Variants in CTBP2 observed in about 807,000 individuals in gnomAD.
CTBP2 encodes C-terminal binding protein 2.
Under a neutral mutation model 80.3 loss-of-function variants are expected in CTBP2, and 30 were observed. The ratio of observed to expected loss-of-function variants is 0.37; its 90% CI spans 0.28 to 0.51. The LOEUF (loss-of-function observed/expected upper bound fraction) is 0.51, where lower values mean the gene tolerates loss of function less well. CTBP2 is among the 20% of genes least tolerant of loss of function. CTBP2 has a pLI of 0.93. For synonymous variants in CTBP2, 594 were observed against 587.4 expected (o/e 1.01, Z -0.16); for missense variants, 1,212 against 1,375.3 (o/e 0.88, Z 1.88).
chr10:125,109,429 GTC>G (rs1164276753), intron 2 of CTBP2, among the ~76,000 whole-genome samples: 5 of 152,194 alleles, frequency 3.3e-5, no homozygotes, highest in African/African-American at 1.2e-4. Flanking sequence ...AGGTGACTTT[GTC>G]TCTGCCTGAG....
chr10:125,049,045 AG>A (rs1962003183), intron 2 of CTBP2, among the ~76,000 whole-genome samples: 2 of 68,870 alleles, frequency 2.9e-5, no homozygotes, highest in South Asian at 6.0e-4. Flanking sequence ...GCCTGACCAC[AG>A]ACACACACAC....
chr10:125,127,743 C>A (rs959280579), intron 1 of CTBP2, among the ~76,000 whole-genome samples: 2 of 152,192 alleles, frequency 1.3e-5, no homozygotes, highest in Admixed American at 6.5e-5. Flanking sequence ...ATACGCACCT[C>A]CCTGTGGCAA....
rs1246614734 is a variant in CTBP2, at chr10:124,986,287, G to GCACACACACACA, written c.*3230_*3231insTGTGTGTGTGTG. ...GGAAAGACGACACACGCACGCGCGC[G>GCACACACACACA]CGCGCACACACACACACACACACAC... is the stretch of plus-strand genomic sequence containing the variant. On this transcript the variant is annotated 3_prime_UTR_variant, in exon 9 of 9. Coordinates refer to ENST00000309035, the MANE Select transcript of CTBP2 (RefSeq NM_022802.3). 9 of 73,094 alleles carry GCACACACACACA rather than the reference G, an allele frequency of 1.2e-4. No individual in the cohort carries two copies. The highest frequency in any genetic ancestry group is 3.8e-4 in the African/African-American group (9 of 23,764). The allele number at this position is 73,094 out of a possible 1,614,324, so 4.5% of individuals were successfully genotyped here. A position where few individuals can be genotyped will look rare whatever the true frequency, so the allele number is the denominator to read the frequency against.
intron 2 of CTBP2, among the ~76,000 whole-genome samples, chr10:125,056,211 A>G (rs1021818735): frequency 2.0e-5 from 3 of 151,092 alleles, no homozygotes; most frequent in East Asian, 1.9e-4. Flanking sequence ...AATAATAATA[A>G]TAACTAATAA....
chr10:125,070,955 T>C (rs1845388964), intron 2 of CTBP2, among the ~76,000 whole-genome samples: 1 of 152,218 alleles, frequency 6.6e-6, no homozygotes, highest in African/African-American at 2.4e-5. Context: ...ATAAAAACTT[T>C]TTAACCAAAG....
At chr10:125,003,996 G>A (rs1341016289) in intron 1 of CTBP2, among the ~76,000 whole-genome samples, 1 of 152,204 alleles carries the variant, frequency 6.6e-6, no homozygotes, top group East Asian at 1.9e-4. Context: ...GGGAAGGTAT[G>A]CCTGAGGGCA....
At chr10:125,151,744 T>C (rs147580709) in intron 1 of CTBP2, among the ~76,000 whole-genome samples, 1 of 152,054 alleles carries the variant, frequency 6.6e-6, no homozygotes, top group African/African-American at 2.4e-5. Context: ...GGGGCCAACC[T>C]GGTGTCCCGC....
chr10:125,126,839 C>T (rs1461069644), intron 1 of CTBP2, among the ~76,000 whole-genome samples: 2 of 152,180 alleles, frequency 1.3e-5, no homozygotes, highest in Non-Finnish European at 2.9e-5. Flanking sequence ...GAGCTGCGTG[C>T]ACTTCTGATG....
chr10:125,043,500 A>T (rs1960420068), intron 2 of CTBP2, among the ~76,000 whole-genome samples: 1 of 151,970 alleles, frequency 6.6e-6, no homozygotes, highest in South Asian at 2.1e-4. Context: ...GCAGGGGCGC[A>T]ATCTGGGCTC....
chr10:125,102,743 C>T (rs1850830053), intron 2 of CTBP2, among the ~76,000 whole-genome samples: 1 of 152,238 alleles, frequency 6.6e-6, no homozygotes. Flanking sequence ...GAAACACCAG[C>T]TTCCAGGCCT....
intron 4 of CTBP2, chr10:124,997,697 C>T: frequency 1.9e-6 from 1 of 534,766 alleles, no homozygotes; most frequent in Non-Finnish European, 3.3e-6. Flanking sequence ...TTGCCCGCTG[C>T]CCCACAGCAA....
intron 2 of CTBP2, among the ~76,000 whole-genome samples, chr10:125,055,933 G>A (rs1406898749): frequency 1.3e-5 from 2 of 152,122 alleles, no homozygotes; most frequent in Admixed American, 6.5e-5. Flanking sequence ...TTGGGAGGCC[G>A]AGGTGGGCAG....
At chr10:125,076,702 G>C (rs893761118) in intron 2 of CTBP2, among the ~76,000 whole-genome samples, 1 of 152,300 alleles carries the variant, frequency 6.6e-6, no homozygotes, top group African/African-American at 2.4e-5. Flanking sequence ...CAGTCAGGTC[G>C]GCGTTGTTCT....
At chr10:125,072,407 G>C (rs946786930) in intron 2 of CTBP2, among the ~76,000 whole-genome samples, 2 of 152,164 alleles carry the variant, frequency 1.3e-5, no homozygotes, top group Non-Finnish European at 2.9e-5. Context: ...CTGAGGTCAG[G>C]AGTTTGACAC....
At chr10:125,152,030 TCAGATACCGCGG>T (rs1467148757) in intron 1 of CTBP2, among the ~76,000 whole-genome samples, 1 of 151,544 alleles carries the variant, frequency 6.6e-6, no homozygotes, top group Admixed American at 6.6e-5. Context: ...CCCGGGGGTG[TCAGATACCGCGG>T]CCCGCGGAGG....
Position 124,989,399 on chromosome 10 carries a change from G to A in CTBP2, c.*119C>T. On this transcript the variant is annotated 3_prime_UTR_variant, in exon 9 of 9. Coordinates refer to ENST00000309035, the MANE Select transcript of CTBP2 (RefSeq NM_022802.3). ...GTAGTTTCAACACTGCAACATCAAT[G>A]ATGCATATGTCCAGAATCAGTTACA... 1 of 1,094,004 alleles carries A rather than the reference G, an allele frequency of 9.1e-7. No individual in the cohort carries two copies. The highest frequency in any genetic ancestry group is 1.4e-6 in the Non-Finnish European group (1 of 713,262). 67.8% of individuals were successfully genotyped at this position (1,094,004 alleles called of 1,614,324 possible).
chr10:124,992,860 G>C (rs374316412), intron 7 of CTBP2, 48 bp from the exon 10 acceptor site: 1 of 1,442,818 alleles, frequency 6.9e-7, no homozygotes, highest in Non-Finnish European at 9.6e-7. Context: ...ACAAATCACA[G>C]TAAGTTCAAC....
chr10:125,119,656 T>C (rs764285675), intron 1 of CTBP2, among the ~76,000 whole-genome samples: 2 of 152,256 alleles, frequency 1.3e-5, no homozygotes, highest in African/African-American at 2.4e-5. Context: ...TATACGTATA[T>C]GCATAAGAGA....
At chr10:125,133,743 C>T (rs1157944704) in intron 1 of CTBP2, 1 of 152,194 alleles carries the variant, frequency 6.6e-6, no homozygotes, top group Non-Finnish European at 1.5e-5. Flanking sequence ...AAATAATAAG[C>T]CACCATGAAC....
Sources: gnomAD v4.1 joint callset for allele counts (sites outside exome capture counted in the v4.1 genomes callset) on GRCh38, gnomAD v4.1.1 for gene constraint, MANE v1.5 for transcripts, NCBI Gene and HGNC (gene_info 2026-07-23, HGNC 2026-07-21) for gene names.